SKA2: variants seen among roughly 807,000 people sequenced by gnomAD.
The protein encoded by SKA2 is spindle and kinetochore associated complex subunit 2, also known as spindle and kinetochore-associated protein 2.
In SKA2, 13 loss-of-function variants were observed where a neutral mutation model predicts 16.9. That is an observed-to-expected ratio of 0.77 (90% confidence interval 0.50 to 1.22). SKA2 has a LOEUF of 1.22. SKA2 is among the 50% of genes most tolerant of loss of function. The pLI, the probability that SKA2 is intolerant of heterozygous loss-of-function variation, is 0.00. For missense variants in SKA2, 107 were observed against 139.7 expected (o/e 0.77, Z 1.18); for synonymous variants, 47 against 48.5 (o/e 0.97, Z 0.13).
intron 2 of SKA2, among the ~76,000 whole-genome samples, chr17:59,130,742 ATTAT>A (rs1164134707): frequency 6.6e-6 from 1 of 152,138 alleles, no homozygotes; most frequent in Admixed American, 6.6e-5. Context: ...ATGCTTGGAG[ATTAT>A]TTACTTTCAC....
At chr17:59,154,897 C>T (rs551507658) in intron 1 of SKA2, 4 of 1,583,926 alleles carry the variant, frequency 2.5e-6, no homozygotes, top group Non-Finnish European at 3.5e-6. Context: ...TCCAAAGGCC[C>T]CGCACCCTCA....
chr17:59,128,819 T>C (rs1320023045), intron 2 of SKA2, among the ~76,000 whole-genome samples: 4 of 152,102 alleles, frequency 2.6e-5, no homozygotes, highest in East Asian at 1.9e-4. Flanking sequence ...GGTTTCTTTC[T>C]GAGGTGATGA....
At chr17:59,128,118 G>T (rs951635321) in intron 2 of SKA2, among the ~76,000 whole-genome samples, 3 of 151,976 alleles carry the variant, frequency 2.0e-5, no homozygotes, top group African/African-American at 7.3e-5. Context: ...AGGAGGCTGA[G>T]GCAGGAGAAT....
intron 1 of SKA2, among the ~76,000 whole-genome samples, chr17:59,153,977 G>A (rs1432605489): frequency 6.6e-6 from 1 of 151,568 alleles, no homozygotes; most frequent in Non-Finnish European, 1.5e-5. Flanking sequence ...TCACCATGTT[G>A]GCCAGGGTAG....
intron 1 of SKA2, among the ~76,000 whole-genome samples, chr17:59,152,531 A>T (rs954373543): frequency 3.0e-4 from 45 of 152,334 alleles, no homozygotes; most frequent in East Asian, 9.6e-4. Flanking sequence ...AAAAATATTT[A>T]AAAAATTTAA....
At chr17:59,116,743 G>T (rs1031377801) in intron 3 of SKA2, among the ~76,000 whole-genome samples, 3 of 145,028 alleles carry the variant, frequency 2.1e-5, no homozygotes, top group East Asian at 4.4e-4. Context: ...TAATTTTAAA[G>T]CCCCTTTAAA....
intron 2 of SKA2, among the ~76,000 whole-genome samples, chr17:59,123,065 G>A (rs2046346700): frequency 7.0e-6 from 1 of 142,810 alleles, no homozygotes; most frequent in African/African-American, 2.6e-5. Context: ...GAAAAACTAA[G>A]CAAATGGAAG....
In SKA2 at chr17:59,110,608, G is replaced by A. The variant is rs185704615; in HGVS notation, c.*1669C>T. The A allele has an allele frequency of 6.6e-6, 1 of 152,216 alleles. No individual in the cohort carries two copies. Among genetic ancestry groups the A allele is most frequent in the East Asian group, 1.9e-4 (1 of 5,184 alleles). The allele number at this position is 152,216 out of a possible 1,614,324, so 9.4% of individuals were successfully genotyped here. A position where few individuals can be genotyped will look rare whatever the true frequency, so the allele number is the denominator to read the frequency against. ...GTTAAAGACCAGCCTGGTCAAGATG[G>A]TGAAGCCCCATCTCTACTAAAAATA... On this transcript the variant is annotated 3_prime_UTR_variant, in exon 4 of 4. Coordinates refer to ENST00000330137, the MANE Select transcript of SKA2 (RefSeq NM_182620.4).
At chr17:59,115,745 T>G (rs2147792605) in intron 3 of SKA2, among the ~76,000 whole-genome samples, 1 of 152,208 alleles carries the variant, frequency 6.6e-6, no homozygotes, top group Middle Eastern at 3.4e-3. Context: ...AGGTGCACAC[T>G]GCCATACCCA....
intron 1 of SKA2, among the ~76,000 whole-genome samples, chr17:59,146,998 T>C (rs1272318288): frequency 1.3e-5 from 2 of 151,620 alleles, no homozygotes. Context: ...TTTCTTTTCT[T>C]TTTTTTTGGG....
At chr17:59,118,411 C>A (rs1318022478) in intron 3 of SKA2, 1 of 152,154 alleles carries the variant, frequency 6.6e-6, no homozygotes, top group African/African-American at 2.4e-5. Flanking sequence ...CCCTCTCACC[C>A]AAGTTTATTC....
In SKA2 at chr17:59,112,295, A is replaced by G; in HGVS notation, c.348T>C (p.Phe116=). ...EEKTAAEQFK[F]HMPDL Reference sequence around the variant, plus strand: ...CATTTCTTCATAAATCTGGCATGTGAAATTTGAATTGCTCTGCCGCAGTTT... The same window carrying G: ...CATTTCTTCATAAATCTGGCATGTGGAATTTGAATTGCTCTGCCGCAGTTT... Residue 116 remains phenylalanine (F), a synonymous_variant, in exon 4 of 4, where the codon TTT becomes TTC. Coordinates refer to ENST00000330137, the MANE Select transcript of SKA2 (RefSeq NM_182620.4). The G allele has an allele frequency of 6.2e-7, 1 of 1,610,644 alleles. No homozygotes were observed. The highest frequency in any genetic ancestry group is 8.5e-7 in the Non-Finnish European group (1 of 1,179,336).
intron 1 of SKA2, among the ~76,000 whole-genome samples, chr17:59,142,359 C>T (rs1166832828): frequency 2.0e-5 from 3 of 147,986 alleles, no homozygotes; most frequent in African/African-American, 7.5e-5. Context: ...GATGTGATCT[C>T]GGCTCACCGC....
intron 3 of SKA2, among the ~76,000 whole-genome samples, chr17:59,116,304 C>T (rs1264416367): frequency 1.3e-5 from 2 of 152,146 alleles, no homozygotes; most frequent in African/African-American, 4.8e-5. Context: ...ATCCAGGAGG[C>T]GGAAGTTGCT....
chr17:59,116,233 C>T (rs1007281768), intron 3 of SKA2, among the ~76,000 whole-genome samples: 1 of 152,002 alleles, frequency 6.6e-6, no homozygotes, highest in Admixed American at 6.6e-5. Context: ...ATTAGCTGGG[C>T]GTGGTGGCGC....
intron 2 of SKA2, among the ~76,000 whole-genome samples, chr17:59,124,974 C>CT (rs35130048): frequency 0.019 from 2,561 of 135,084 alleles, 53 homozygotes; most frequent in African/African-American, 0.04. Flanking sequence ...CCACTACATT[C>CT]TTTTTTTTTT....
chr17:59,144,517 C>T (rs1416965054), intron 1 of SKA2, among the ~76,000 whole-genome samples: 1 of 152,104 alleles, frequency 6.6e-6, no homozygotes, highest in Admixed American at 6.5e-5. Context: ...ACACGAGTGT[C>T]CATGGAGGGA....
intron 2 of SKA2, among the ~76,000 whole-genome samples, chr17:59,130,222 A>ACTT (rs2046402842): frequency 6.6e-6 from 1 of 152,024 alleles, no homozygotes; most frequent in Non-Finnish European, 1.5e-5. Context: ...TTTAACTTAT[A>ACTT]CTTCTACCCA....
chr17:59,132,356 C>G (rs1382925407), intron 1 of SKA2, among the ~76,000 whole-genome samples: 1 of 139,670 alleles, frequency 7.2e-6, no homozygotes, highest in Non-Finnish European at 1.6e-5. Flanking sequence ...AACTCCGTCT[C>G]CACAAAAAAA....
Sources: allele counts gnomAD v4.1 joint callset (sites outside exome capture counted in the v4.1 genomes callset), GRCh38; gene constraint gnomAD v4.1.1; transcripts MANE v1.5; gene names NCBI Gene and HGNC (gene_info 2026-07-23, HGNC 2026-07-21).